The following CNTN6 variants were observed in gnomAD, a reference collection of about 807,000 sequenced individuals.
The protein encoded by CNTN6 is contactin-6.
CNTN6 carries 137 observed loss-of-function variants against 122.8 expected under a neutral mutation model. The ratio of observed to expected loss-of-function variants is 1.12; its 90% CI spans 0.97 to 1.29. The LOEUF is 1.29. Among genes scored for constraint, CNTN6 ranks in the 50% most tolerant of loss-of-function variants. The probability of loss-of-function intolerance (pLI) is 0.00; values close to 1 mark genes in which losing one functional copy is unlikely to be tolerated. For synonymous variants in CNTN6, 570 were observed against 426.0 expected (o/e 1.34, Z -4.16); for missense variants, 1,634 against 1,223.4 (o/e 1.34, Z -5.01).
intron 1 of CNTN6, among the ~76,000 whole-genome samples, chr3:1,115,857 C>T (rs2091699525): frequency 6.6e-6 from 1 of 151,860 alleles, no homozygotes; most frequent in Non-Finnish European, 1.5e-5. Context: ...ACAAAAAAGG[C>T]AACAAAACAA....
At chr3:1,322,880 A>AT (rs1012779205) in intron 8 of CNTN6, among the ~76,000 whole-genome samples, 13 of 151,566 alleles carry the variant, frequency 8.6e-5, no homozygotes, top group East Asian at 7.8e-4. Flanking sequence ...GAAAAACAAT[A>AT]TTTTTTTTCA....
chr3:1,325,330 C>A (rs1408824839), intron 8 of CNTN6, among the ~76,000 whole-genome samples: 2 of 151,722 alleles, frequency 1.3e-5, no homozygotes, highest in East Asian at 3.9e-4. Context: ...TACCAAAATG[C>A]CAGGAAGCTC....
chr3:1,213,074 C>T (rs554362084), intron 2 of CNTN6, among the ~76,000 whole-genome samples: 1 of 152,258 alleles, frequency 6.6e-6, no homozygotes, highest in Non-Finnish European at 1.5e-5. Context: ...AAATGTGCAT[C>T]TCACAAAAGG....
At chr3:1,185,192 A>G (rs951264275) in intron 2 of CNTN6, among the ~76,000 whole-genome samples, 4 of 152,156 alleles carry the variant, frequency 2.6e-5, no homozygotes, top group Admixed American at 6.6e-5. Flanking sequence ...AATATGTCCT[A>G]TTTGGTTCAG....
chr3:1,302,826 G>A (rs1697654898), intron 7 of CNTN6, among the ~76,000 whole-genome samples: 1 of 151,842 alleles, frequency 6.6e-6, no homozygotes, highest in Non-Finnish European at 1.5e-5. Flanking sequence ...AACTATTCAG[G>A]CATGATTACT....
chr3:1,131,883 C>G (rs2092345729), intron 1 of CNTN6, among the ~76,000 whole-genome samples: 1 of 152,000 alleles, frequency 6.6e-6, no homozygotes, highest in Non-Finnish European at 1.5e-5. Flanking sequence ...AGCCGTATAT[C>G]ATTGGCATTC....
chr3:1,126,857 TAGAA>T (rs1449480023), intron 1 of CNTN6, among the ~76,000 whole-genome samples: 1 of 151,832 alleles, frequency 6.6e-6, no homozygotes, highest in Non-Finnish European at 1.5e-5. Context: ...GAAGAAAAGA[TAGAA>T]AGAAAGTCAT....
intron 2 of CNTN6, chr3:1,173,163 A>T (rs17034784): frequency 4.4e-6 from 2 of 454,262 alleles, no homozygotes; most frequent in Admixed American, 4.7e-5. Context: ...TACCGTAAGG[A>T]GAGGACATTT....
chr3:1,233,734 CA>C (rs1166507455), intron 4 of CNTN6, among the ~76,000 whole-genome samples: 2,892 of 52,016 alleles, frequency 0.056, 16 homozygotes, highest in Admixed American at 0.082. Flanking sequence ...GACTCTGTCT[CA>C]AAAAAAAAAA....
At chr3:1,369,168 C>G (rs1036360429) in intron 12 of CNTN6, among the ~76,000 whole-genome samples, 4 of 152,180 alleles carry the variant, frequency 2.6e-5, no homozygotes, top group Admixed American at 6.5e-5. Context: ...CAGCTCACTA[C>G]TACTTGCCTT....
intron 5 of CNTN6, among the ~76,000 whole-genome samples, chr3:1,286,445 G>T (rs1694356210): frequency 6.6e-6 from 1 of 152,080 alleles, no homozygotes; most frequent in Non-Finnish European, 1.5e-5. Context: ...AAAACCTGCG[G>T]TGTTTGGTTT....
intron 17 of CNTN6, among the ~76,000 whole-genome samples, chr3:1,379,641 T>A (rs4364149): frequency 0.011 from 1,672 of 152,216 alleles, 40 homozygotes; most frequent in African/African-American, 0.038. Context: ...CCCCTATTTT[T>A]AAAAATTAAA....
At chr3:1,358,735 C>G (rs1479530) in intron 12 of CNTN6, among the ~76,000 whole-genome samples, 69,606 of 151,746 alleles carry the variant, frequency 0.46, 18,325 homozygotes, top group African/African-American at 0.72. Context: ...TTTGTATTAA[C>G]ACCTATTGAC....
In CNTN6 at chr3:1,220,730, T is replaced by C; in HGVS notation, c.99T>C (p.His33=). The C allele has an allele frequency of 6.2e-7, 1 of 1,613,634 alleles. No individual in the cohort carries two copies. The highest frequency in any genetic ancestry group is 1.1e-5 in the South Asian group (1 of 91,028). Residue 33 remains histidine, a synonymous_variant, in exon 3 of 23, where the codon CAT becomes CAC. Coordinates refer to ENST00000446702, the MANE Select transcript of CNTN6 (RefSeq NM_001289080.2). ...GTCCTATTTTTACTCAGGAGCCACATGATGTCATTTTTCCTTTGGATTTAT... is the reference window on the plus strand; with the variant it reads ...GTCCTATTTTTACTCAGGAGCCACACGATGTCATTTTTCCTTTGGATTTAT... ...LSRPIFTQEP[H]DVIFPLDLSK... is the part of the protein sequence containing the mutation.
chr3:1,325,509 G>T (rs868367717), intron 8 of CNTN6, among the ~76,000 whole-genome samples: 1 of 151,776 alleles, frequency 6.6e-6, no homozygotes, highest in African/African-American at 2.4e-5. Context: ...TATTTAGCAT[G>T]GATTTATTCC....
At chr3:1,283,478 G>C (rs1280269158) in intron 5 of CNTN6, among the ~76,000 whole-genome samples, 1 of 152,048 alleles carries the variant, frequency 6.6e-6, no homozygotes, top group African/African-American at 2.4e-5. Context: ...TTTTGGAACA[G>C]ATATAACGCC....
chr3:1,333,884 A>G (rs1047299302), intron 11 of CNTN6, among the ~76,000 whole-genome samples: 21 of 152,102 alleles, frequency 1.4e-4, no homozygotes, highest in Non-Finnish European at 7.3e-5. Context: ...TTTCCTCTCT[A>G]TGGATAATGG....
intron 2 of CNTN6, among the ~76,000 whole-genome samples, chr3:1,154,448 C>CTTTTCTTTTCTTTTCTTTT (rs1575043271): frequency 2.3e-4 from 32 of 140,478 alleles, no homozygotes; most frequent in African/African-American, 8.5e-4. Flanking sequence ...TCTTTTCTTT[C>CTTTTCTTTTCTTTTCTTTT]TTTTTTTTTT....
At chr3:1,400,998 T>A (rs563329097) in intron 20 of CNTN6, among the ~76,000 whole-genome samples, 7 of 152,258 alleles carry the variant, frequency 4.6e-5, no homozygotes, top group Admixed American at 2.0e-4. Context: ...GAAAGCTAAC[T>A]AATACAATGT....
Sources: gnomAD v4.1 joint callset for allele counts (sites outside exome capture counted in the v4.1 genomes callset) on GRCh38, gnomAD v4.1.1 for gene constraint, MANE v1.5 for transcripts, NCBI Gene and HGNC (gene_info 2026-07-23, HGNC 2026-07-21) for gene names.